THADA: variants seen among roughly 807,000 people sequenced by gnomAD.
THADA encodes tRNA (32-2'-O)-methyltransferase regulator THADA.
THADA carries 213 observed loss-of-function variants against 219.8 expected under a neutral mutation model. The ratio of observed to expected loss-of-function variants is 0.97; its 90% CI spans 0.87 to 1.09. The LOEUF (loss-of-function observed/expected upper bound fraction) is 1.09, where lower values mean the gene tolerates loss of function less well. THADA is among the 50% of genes least tolerant of loss of function. The probability of loss-of-function intolerance (pLI) is 0.00; values close to 1 mark genes in which losing one functional copy is unlikely to be tolerated. For synonymous variants in THADA, 1,018 were observed against 828.9 expected, an observed-to-expected ratio of 1.23 and a Z score of -3.92; for missense variants, 2,956 against 2,311.3, an observed-to-expected ratio of 1.28 and a Z score of -5.72.
At chr2:43,351,498 A>G (rs1347551823) in intron 29 of THADA, among the ~76,000 whole-genome samples, 1 of 151,730 alleles carries the variant, frequency 6.6e-6, no homozygotes, top group Non-Finnish European at 1.5e-5. Context: ...TTCCTCAACT[A>G]CCCCCACTCC....
intron 36 of THADA, among the ~76,000 whole-genome samples, chr2:43,240,806 TG>T (rs1351049243): frequency 6.6e-6 from 1 of 152,234 alleles, no homozygotes; most frequent in African/African-American, 2.4e-5. Context: ...TAGGTGTTTG[TG>T]GTTAACAGTC....
chr2:43,288,095 C>A (rs757786789), intron 34 of THADA, among the ~76,000 whole-genome samples: 29 of 152,336 alleles, frequency 1.9e-4, no homozygotes, highest in Non-Finnish European at 3.4e-4. Context: ...ATTTAAGCCA[C>A]AGTATTTATG....
intron 36 of THADA, among the ~76,000 whole-genome samples, chr2:43,274,521 C>A (rs1672492243): frequency 6.6e-6 from 1 of 152,090 alleles, no homozygotes; most frequent in African/African-American, 2.4e-5. Flanking sequence ...AGAACTAAAG[C>A]ACAGGAAAGG....
At chr2:43,275,391 A>C (rs1454977788) in intron 36 of THADA, among the ~76,000 whole-genome samples, 1 of 152,198 alleles carries the variant, frequency 6.6e-6, no homozygotes, top group African/African-American at 2.4e-5. Context: ...TGAAGCCGAA[A>C]GAGCAAGAAA....
rs1180865189 is a variant in THADA, at chr2:43,574,399, A to T, written c.1666T>A (p.Tyr556Asn). The T allele has an allele frequency of 1.2e-6, 2 of 1,609,656 alleles. No homozygotes were observed. Among genetic ancestry groups the T allele is most frequent in the Non-Finnish European group, 1.7e-6 (2 of 1,177,768 alleles). Residue 556 changes from tyrosine to asparagine, a missense_variant, in exon 11 of 38, where the codon TAC becomes AAC. Transcript: ENST00000405975. Reference protein sequence around the residue: ...IDYYLPKLLSYSPESLQYMVK... With the variant: ...IDYYLPKLLSNSPESLQYMVK... ...ATGTACTGTAAGCTTTCAGGGCTGT[A>T]ACTTAATAATTTTGGCAAGTAATAA...
intron 26 of THADA, among the ~76,000 whole-genome samples, chr2:43,431,717 T>G (rs559365318): frequency 5.1e-5 from 3 of 59,172 alleles, no homozygotes; most frequent in Admixed American, 1.7e-4. Flanking sequence ...CAGGCTGGAA[T>G]GCAGTGGCGG....
intron 29 of THADA, among the ~76,000 whole-genome samples, chr2:43,378,884 A>G (rs1021585268): frequency 2.0e-5 from 3 of 152,170 alleles, no homozygotes; most frequent in Non-Finnish European, 4.4e-5. Flanking sequence ...GGGATTGCAG[A>G]CGTGAGCCAT....
At chr2:43,486,129 C>T (rs961297893) in intron 25 of THADA, among the ~76,000 whole-genome samples, 3 of 151,880 alleles carry the variant, frequency 2.0e-5, no homozygotes, top group African/African-American at 7.3e-5. Context: ...TCAAAGAATC[C>T]AGGTAATTAA....
At chr2:43,540,130 G>A (rs1397272462) in intron 21 of THADA, among the ~76,000 whole-genome samples, 1 of 152,186 alleles carries the variant, frequency 6.6e-6, no homozygotes, top group Non-Finnish European at 1.5e-5. Flanking sequence ...AATCATAGCT[G>A]GATTCCTCAG....
chr2:43,465,249 G>A (rs984491025), intron 26 of THADA, among the ~76,000 whole-genome samples: 1 of 152,164 alleles, frequency 6.6e-6, no homozygotes, highest in Non-Finnish European at 1.5e-5. Context: ...CTTAATAATA[G>A]TTTATCAGGA....
rs565748338 is a variant in THADA at position 43,590,425 on chromosome 2, C to T, written c.302+399G>A. ...GGGCGCAGTGGCTCACACCTGTAAT[C>T]CCATCACTTTGGGAGGCTGAGAAGG... is the stretch of plus-strand genomic sequence containing the variant. On this transcript the variant is annotated intron_variant, in intron 4 of 37. Transcript: ENST00000405975. 1.0e-3 allele frequency among the ~76,000 whole-genome samples: 157 copies of T among 152,120 alleles called. 2 individuals are homozygous for T. The highest frequency in any genetic ancestry group is 3.5e-3 in the African/African-American group (144 of 41,518).
chr2:43,252,136 C>T (rs1026720292), intron 36 of THADA, among the ~76,000 whole-genome samples: 47 of 152,308 alleles, frequency 3.1e-4, no homozygotes, highest in African/African-American at 9.1e-4. Context: ...TCAATGACTG[C>T]GCCATGGCCA....
intron 15 of THADA, chr2:43,563,305 C>T (rs1698298825): frequency 6.6e-6 from 1 of 152,100 alleles, no homozygotes; most frequent in Non-Finnish European, 1.5e-5. Context: ...TTCTTTTATC[C>T]ATCAGTTGTT....
intron 26 of THADA, among the ~76,000 whole-genome samples, chr2:43,452,020 C>T (rs1317525566): frequency 6.6e-6 from 1 of 152,150 alleles, no homozygotes; most frequent in South Asian, 2.1e-4. Context: ...GGCAGGAGAA[C>T]CACTTGAACC....
chr2:43,323,105 G>A (rs964534398), intron 30 of THADA, among the ~76,000 whole-genome samples: 4 of 152,068 alleles, frequency 2.6e-5, no homozygotes, highest in Admixed American at 1.3e-4. Flanking sequence ...ATTCTATTAA[G>A]AACATAGAGA....
chr2:43,546,443 T>C (rs1023615213), intron 20 of THADA, among the ~76,000 whole-genome samples: 16 of 152,198 alleles, frequency 1.1e-4, no homozygotes, highest in Non-Finnish European at 4.4e-5. Context: ...TTCTGTCTCG[T>C]TGATCTGTCT....
intron 29 of THADA, among the ~76,000 whole-genome samples, chr2:43,386,962 T>C (rs1421806024): frequency 6.6e-6 from 1 of 151,902 alleles, no homozygotes; most frequent in East Asian, 1.9e-4. Flanking sequence ...GTTAGATTTA[T>C]CCACGAGTTT....
rs1347733837 is a variant in THADA at position 43,370,722 on chromosome 2, AT to A, written c.4228-26486del. Among the ~76,000 whole-genome samples, 13 of 152,302 alleles carry A rather than the reference AT, an allele frequency of 8.5e-5. No individual in the cohort carries two copies. The East Asian group carries it at 2.5e-3, about 29-fold the overall frequency. ...GTATCACAGCTATGTTCAATATTACATTTTTCTAAAGGATGAAACTACTCTC... is the reference window on the plus strand; with the variant it reads ...GTATCACAGCTATGTTCAATATTACATTTTCTAAAGGATGAAACTACTCTC... On this transcript the variant is annotated intron_variant, in intron 29 of 37. Transcript: ENST00000405975.
Position 43,385,606 on chromosome 2 carries a change from CAA to C in THADA, c.4227+12363_4227+12364del, listed in dbSNP as rs532857816. Among the ~76,000 whole-genome samples the C allele has an allele frequency of 8.6e-3, 429 of 49,870 alleles. 1 individual carries two copies. Among genetic ancestry groups the C allele is most frequent in the African/African-American group, 0.027 (411 of 15,396 alleles). The allele number at this position is 49,870 out of a possible 152,430, so 32.7% of individuals were successfully genotyped here. A position where few individuals can be genotyped will look rare whatever the true frequency, so the allele number is the denominator to read the frequency against. ...TGGGCAACAGAGCGAGACTCCGTCT[CAA>C]AAAAAAAAAAAAAAAAAAAAAAGAA... On this transcript the variant is annotated intron_variant, in intron 29 of 37. Transcript: ENST00000405975.
Sources: gnomAD v4.1 joint callset for allele counts (sites outside exome capture counted in the v4.1 genomes callset) on GRCh38, gnomAD v4.1.1 for gene constraint, MANE v1.5 for transcripts, NCBI Gene and HGNC (gene_info 2026-07-23, HGNC 2026-07-21) for gene names.